The following KIF13A variants were observed in gnomAD, a reference collection of about 807,000 sequenced individuals.
KIF13A encodes the protein kinesin family member 13A.
Under a neutral mutation model 212.2 loss-of-function variants are expected in KIF13A, and 79 were observed. The observed-to-expected ratio is 0.37, with a 90% CI of 0.31 to 0.45. The LOEUF is 0.45. KIF13A is among the 20% of genes least tolerant of loss of function. The probability of loss-of-function intolerance (pLI) is 1.00; values close to 1 mark genes in which losing one functional copy is unlikely to be tolerated. For synonymous variants in KIF13A, 789 were observed against 808.6 expected, an observed-to-expected ratio of 0.98 and a Z score of 0.41; for missense variants, 1,901 against 2,209.0, an observed-to-expected ratio of 0.86 and a Z score of 2.79.
chr6:17,768,112 G>A lies in KIF13A; in HGVS notation c.4581+3002C>T, dbSNP rs1214621641. On this transcript the variant is annotated intron_variant, in intron 38 of 38. Transcript: ENST00000259711. The surrounding 1 kb of genome is among the most constrained non-coding windows in gnomAD (Gnocchi z 5.4). The stretch of plus-strand genomic sequence containing the variant: ...GTTTATTGAGTTATTGCCAATTAAG[G>A]GAGGATTTAATTGGCTTAAACTCAT... Among the ~76,000 whole-genome samples, 1 of 152,154 alleles carries A rather than the reference G, an allele frequency of 6.6e-6. No individual in the cohort carries two copies. Among genetic ancestry groups the A allele is most frequent in the Non-Finnish European group, 1.5e-5 (1 of 68,030 alleles).
intron 18 of KIF13A, among the ~76,000 whole-genome samples, chr6:17,807,482 G>T (rs1035408727): frequency 5.9e-5 from 9 of 152,110 alleles, no homozygotes; most frequent in African/African-American, 2.2e-4. Context: ...CTCCACCCTG[G>T]TAAGTTTGTG....
chr6:17,855,468 C>A lies in KIF13A; in HGVS notation c.463G>T (p.Glu155Ter). 6.2e-7 allele frequency: 1 copy of A among 1,612,732 alleles called. No individual in the cohort carries two copies. Among genetic ancestry groups the A allele is most frequent in the South Asian group, 1.1e-5 (1 of 90,740 alleles). Residue 155 changes from glutamate (E) to a stop codon, truncating the protein, a stop_gained, in exon 6 of 39, where the codon GAG becomes TAG. Coordinates refer to ENST00000259711, the MANE Select transcript of KIF13A (RefSeq NM_022113.6). LOFTEE classifies it high-confidence loss of function. The surrounding 1 kb of genome is among the most constrained non-coding windows in gnomAD (Gnocchi z 4.1). Reference protein sequence around the residue: ...VEVSYMEIYNEKVRDLLDPKG... With the variant: ...VEVSYMEIYN ...GGGTCTAAAAGATCCCGAACTTTCT[C>A]ATTATAAATTTCCATATAGGACACT...
rs1317674160 is a variant in KIF13A, at chr6:17,855,370, T to C, written c.494+67A>G. The C allele has an allele frequency of 1.6e-5, 20 of 1,252,502 alleles. No homozygotes were observed. Among genetic ancestry groups the C allele is most frequent in the Non-Finnish European group, 2.0e-5 (18 of 896,950 alleles). 77.6% of individuals were successfully genotyped at this position (1,252,502 alleles called of 1,614,324 possible). On this transcript the variant is annotated intron_variant, in intron 6 of 38. Coordinates refer to ENST00000259711, the MANE Select transcript of KIF13A (RefSeq NM_022113.6). The surrounding 1 kb of genome is among the most constrained non-coding windows in gnomAD (Gnocchi z 4.1). ...TTAAATACGTATATTCACTTCCAATTTTAACTTTAGAATCATTTAAAATTA... is the reference window on the plus strand; with the variant it reads ...TTAAATACGTATATTCACTTCCAATCTTAACTTTAGAATCATTTAAAATTA...
At position 17,987,176 on chromosome 6, in the gene KIF13A, T is replaced by C. The variant is rs111779471; in HGVS notation, c.56-32A>G. On this transcript the variant is annotated intron_variant, in intron 1 of 38. Coordinates refer to ENST00000259711, the MANE Select transcript of KIF13A (RefSeq NM_022113.6). The surrounding 1 kb of genome is among the most constrained non-coding windows in gnomAD (Gnocchi z 7.7). ...GCAGAGAGAAAGGGACGTTGCAAAG[T>C]CCAGCATCCGCGCCTCCAGCCCGCC... is the stretch of plus-strand genomic sequence containing the variant. 47,815 of 1,538,178 alleles carry C rather than the reference T, an allele frequency of 0.031. 949 individuals carry two copies. Among genetic ancestry groups the C allele is most frequent in the South Asian group, 0.067 (5,750 of 86,382 alleles).
At chr6:17,932,025 A>T (rs1776028408) in intron 2 of KIF13A, among the ~76,000 whole-genome samples, 1 of 152,136 alleles carries the variant, frequency 6.6e-6, no homozygotes, top group Non-Finnish European at 1.5e-5. Context: ...GGAAAAGCAA[A>T]TGCTTGAGCC....
rs1020169461 is a variant in KIF13A, at chr6:17,905,137, A to C, written c.147-6957T>G. ...AGATTCTTTTGTGATTTTTAAAAAAAATTTTTTTAAGCTTATTAGCTATCA... is the reference window on the plus strand; with the variant it reads ...AGATTCTTTTGTGATTTTTAAAAAACATTTTTTTAAGCTTATTAGCTATCA... On this transcript the variant is annotated intron_variant, in intron 2 of 38. Transcript: ENST00000259711. Among the ~76,000 whole-genome samples, 4 of 152,246 alleles carry C rather than the reference A, an allele frequency of 2.6e-5. No individual in the cohort carries two copies. The East Asian group carries it at 7.7e-4, about 29-fold the overall frequency.
rs536523727 is a variant in KIF13A, at chr6:17,877,089, T to A, written c.160-3652A>T. On this transcript the variant is annotated intron_variant, in intron 3 of 38. Transcript: ENST00000259711. ...TTAAGATCTCGCAGGGAAACAGGCA[T>A]TTTTTTACATTATAAAAGACTAGTA... 3.3e-5 allele frequency among the ~76,000 whole-genome samples: 5 copies of A among 149,924 alleles called. No individual in the cohort carries two copies. The East Asian group carries it at 9.7e-4, about 29-fold the overall frequency.
chr6:17,952,457 A>T (rs1777944829), intron 2 of KIF13A, among the ~76,000 whole-genome samples: 1 of 151,852 alleles, frequency 6.6e-6, no homozygotes, highest in Non-Finnish European at 1.5e-5. Flanking sequence ...ACATGGCAAG[A>T]TTCTGCCTCT....
At chr6:17,978,777 T>C (rs1780809066) in intron 2 of KIF13A, among the ~76,000 whole-genome samples, 1 of 152,220 alleles carries the variant, frequency 6.6e-6, no homozygotes, top group Non-Finnish European at 1.5e-5. Flanking sequence ...GTATATGGCA[T>C]GTGCAATTTT....
rs777749660 is a variant in KIF13A, at chr6:17,828,374, G to A, written c.1402-4C>T. ...CTGCACCCACCCTGGTGTGATCCTA[G>A]TAAAAGATTATTAAGGAAAGAAAAA... On this transcript the variant is annotated splice_polypyrimidine_tract_variant and splice_region_variant and intron_variant, in intron 13 of 38. Transcript: ENST00000259711. This position sits in a 1 kb window ranked among gnomAD's most constrained non-coding sequence, Gnocchi z 4.3. 6.2e-7 allele frequency: 1 copy of A among 1,601,402 alleles called. No homozygotes were observed. Among genetic ancestry groups the A allele is most frequent in the Non-Finnish European group, 8.5e-7 (1 of 1,175,504 alleles).
intron 2 of KIF13A, among the ~76,000 whole-genome samples, chr6:17,966,003 G>A (rs1232895452): frequency 1.3e-5 from 2 of 152,138 alleles, no homozygotes; most frequent in African/African-American, 4.8e-5. Flanking sequence ...AGACCAGCCT[G>A]GCCAATATGG....
rs1053590953 is a variant in KIF13A at position 17,850,580 on chromosome 6, T to C, written c.583-123A>G. The C allele has an allele frequency of 8.9e-5, 78 of 878,244 alleles. No individual in the cohort carries two copies. The allele number at this position is 878,244 out of a possible 1,614,324, so 54.4% of individuals were successfully genotyped here. A position where few individuals can be genotyped will look rare whatever the true frequency, so the allele number is the denominator to read the frequency against. On this transcript the variant is annotated intron_variant, in intron 7 of 38. Transcript: ENST00000259711. This position sits in a 1 kb window ranked among gnomAD's most constrained non-coding sequence, Gnocchi z 6.2. Reference sequence around the variant, plus strand: ...TTGTCACCACCCTTCCATAGAAACCTCCCTGCCGCTCCTCCATTGAGCATG... The same window carrying C: ...TTGTCACCACCCTTCCATAGAAACCCCCCTGCCGCTCCTCCATTGAGCATG...
chr6:17,911,615 A>G (rs1774064682), intron 2 of KIF13A, among the ~76,000 whole-genome samples: 1 of 151,752 alleles, frequency 6.6e-6, no homozygotes, highest in Non-Finnish European at 1.5e-5. Flanking sequence ...TTAAACTCAT[A>G]GACTCAGAGT....
At chr6:17,916,715 T>TA (rs1227831533) in intron 2 of KIF13A, among the ~76,000 whole-genome samples, 1 of 152,184 alleles carries the variant, frequency 6.6e-6, no homozygotes, top group African/African-American at 2.4e-5. Flanking sequence ...GCAAGATATT[T>TA]AGAGATTCAC....
In KIF13A at chr6:17,777,908, G is replaced by A. The variant is rs1340318936; in HGVS notation, c.4093-554C>T. Among the ~76,000 whole-genome samples the A allele has an allele frequency of 2.0e-5, 3 of 152,254 alleles. No homozygotes were observed. The highest frequency in any genetic ancestry group is 4.1e-4 in the South Asian group (2 of 4,828). Reference sequence around the variant, plus strand: ...TATAATCCCAGCACTCTGGGAGGCTGAGGCAGGTGGATCACAGACAGGAGT... The same window carrying A: ...TATAATCCCAGCACTCTGGGAGGCTAAGGCAGGTGGATCACAGACAGGAGT... On this transcript the variant is annotated intron_variant, in intron 33 of 38. Transcript: ENST00000259711. This position sits in a 1 kb window ranked among gnomAD's most constrained non-coding sequence, Gnocchi z 4.4.
downstream of KIF13A, chr6:17,760,927 C>T (rs774119207): frequency 6.2e-7 from 1 of 1,602,572 alleles, no homozygotes; most frequent in Non-Finnish European, 8.5e-7. Flanking sequence ...CACCTCCCCA[C>T]CCCACCCACA....
Position 17,779,703 on chromosome 6 carries a change from A to AAG in KIF13A, c.3847-20_3847-19insCT. ...TGAAACTCTAGTAGAAAAAAAAAAA[A>AAG]GCTGTATTAAGCTATGTGACAAATG... On this transcript the variant is annotated intron_variant, in intron 31 of 38. Transcript: ENST00000259711. The AAG allele has an allele frequency of 9.6e-7, 1 of 1,040,214 alleles. No individual in the cohort carries two copies. Among genetic ancestry groups the AAG allele is most frequent in the African/African-American group, 1.6e-5 (1 of 61,388 alleles). The allele number at this position is 1,040,214 out of a possible 1,614,324, so 64.4% of individuals were successfully genotyped here.
At position 17,825,754 on chromosome 6, in the gene KIF13A, A is replaced by T; in HGVS notation, c.1786+14T>A. The T allele has an allele frequency of 1.2e-6, 2 of 1,608,750 alleles. No homozygotes were observed. Among genetic ancestry groups the T allele is most frequent in the Non-Finnish European group, 1.7e-6 (2 of 1,177,266 alleles). On this transcript the variant is annotated intron_variant, in intron 16 of 38. Transcript: ENST00000259711. This position sits in a 1 kb window ranked among gnomAD's most constrained non-coding sequence, Gnocchi z 4.5. ...AAATGCCCAAGGCGCTGGAACACAG[A>T]GTGAGGGTCTTACCATTACTATTCA...
chr6:17,941,100 C>T (rs981680115), intron 2 of KIF13A, among the ~76,000 whole-genome samples: 2 of 152,172 alleles, frequency 1.3e-5, no homozygotes, highest in African/African-American at 4.8e-5. Flanking sequence ...GCTGGGATTA[C>T]AGGCGTGAGC....
Sources: allele counts gnomAD v4.1 joint callset (sites outside exome capture counted in the v4.1 genomes callset), GRCh38; gene constraint gnomAD v4.1.1; non-coding constraint Gnocchi (gnomAD v3.1); transcripts MANE v1.5; gene names NCBI Gene and HGNC (gene_info 2026-07-23, HGNC 2026-07-21).